VPS37A: variants seen among roughly 807,000 people sequenced by gnomAD.
VPS37A encodes VPS37A subunit of ESCRT-I, also known as vacuolar protein sorting-associated protein 37A.
VPS37A carries 30 observed loss-of-function variants against 49.8 expected under a neutral mutation model. The observed-to-expected ratio is 0.60, with a 90% CI of 0.45 to 0.82. The LOEUF (loss-of-function observed/expected upper bound fraction) is 0.82, where lower values mean the gene tolerates loss of function less well. Among genes scored for constraint, VPS37A ranks in the 40% least tolerant of loss-of-function variants. VPS37A has a pLI of 0.00. For synonymous variants in VPS37A, 195 were observed against 160.6 expected, an observed-to-expected ratio of 1.21 and a Z score of -1.62; for missense variants, 593 against 464.4, an observed-to-expected ratio of 1.28 and a Z score of -2.55.
the VPS37A span, among the ~76,000 whole-genome samples, chr8:17,314,325 G>T: frequency 6.6e-6 from 1 of 152,044 alleles, no homozygotes; most frequent in Non-Finnish European, 1.5e-5. Context: ...CACACATAGG[G>T]AAAAGGGAGC....
intron 1 of VPS37A, among the ~76,000 whole-genome samples, chr8:17,258,642 G>T (rs191873787): frequency 1.3e-5 from 2 of 151,914 alleles, no homozygotes; most frequent in Non-Finnish European, 2.9e-5. Flanking sequence ...CTTGTAGAAT[G>T]AGTTTGGAAG....
At chr8:17,314,814 T>G in the VPS37A span, among the ~76,000 whole-genome samples, 1 of 152,342 alleles carries the variant, frequency 6.6e-6, no homozygotes, top group South Asian at 2.1e-4. Context: ...ATGCAGTCGG[T>G]GAAGGGACAG....
intron 1 of VPS37A, among the ~76,000 whole-genome samples, chr8:17,250,846 T>G (rs1585908662): frequency 6.6e-6 from 1 of 152,326 alleles, no homozygotes; most frequent in South Asian, 2.1e-4. Flanking sequence ...ATAACTGTCA[T>G]AGATGACACT....
At chr8:17,250,097 T>A (rs1028195765) in intron 1 of VPS37A, among the ~76,000 whole-genome samples, 5 of 152,110 alleles carry the variant, frequency 3.3e-5, no homozygotes, top group African/African-American at 1.2e-4. Flanking sequence ...CCTTTCTAGA[T>A]TTTTTGTAGG....
At chr8:17,287,698 T>C (rs1161116063) in intron 11 of VPS37A, among the ~76,000 whole-genome samples, 1 of 152,074 alleles carries the variant, frequency 6.6e-6, no homozygotes, top group Non-Finnish European at 1.5e-5. Context: ...AAATTCTTTT[T>C]TCTTACTAGC....
chr8:17,302,372 T>C, downstream of VPS37A: 4 of 1,345,196 alleles, frequency 3.0e-6, no homozygotes, highest in South Asian at 6.5e-5. Flanking sequence ...GATACCACAG[T>C]CTTAATAATA....
intron 1 of VPS37A, among the ~76,000 whole-genome samples, chr8:17,256,290 A>ATTT (rs529736602): frequency 0.015 from 916 of 60,386 alleles, 151 homozygotes; most frequent in East Asian, 0.025. Context: ...GGGTAAAATG[A>ATTT]TTTTTTTTTT....
chr8:17,271,422 G>A (rs767541251), intron 4 of VPS37A, among the ~76,000 whole-genome samples: 13 of 152,094 alleles, frequency 8.5e-5, no homozygotes, highest in Admixed American at 3.3e-4. Flanking sequence ...TGGCTAACAC[G>A]GTGAAACCTC....
At chr8:17,308,312 A>C in the VPS37A span, among the ~76,000 whole-genome samples, 1 of 152,140 alleles carries the variant, frequency 6.6e-6, no homozygotes, top group African/African-American at 2.4e-5. Context: ...GTGTAATATT[A>C]ATAGAACCCC....
At chr8:17,319,972 T>C in the VPS37A span, among the ~76,000 whole-genome samples, 745 of 152,314 alleles carry the variant, frequency 4.9e-3, 2 homozygotes, top group Non-Finnish European at 5.5e-3. Flanking sequence ...AGGATTGAGA[T>C]AGATATGCTG....
chr8:17,324,235 A>G, the VPS37A span, among the ~76,000 whole-genome samples: 3 of 152,228 alleles, frequency 2.0e-5, no homozygotes, highest in Non-Finnish European at 4.4e-5. Context: ...CCTGGCATAT[A>G]GAACACTCTC....
At chr8:17,247,456 C>A in intron 1 of VPS37A, 87 bp downstream of exon 1, 2 of 1,487,988 alleles carry the variant, frequency 1.3e-6, no homozygotes, top group Admixed American at 2.1e-5. Context: ...CCTCAGTCTG[C>A]TCCCCACCAG....
rs1216288063 is a variant in VPS37A at position 17,247,275 on chromosome 8, G to A, written c.31G>A (p.Ala11Thr). ...CTGGCTTTTTCCCCTGACCAAGAGC[G>A]CCTCCTCCTCCGCGGCTGGGTCCCC... is the stretch of plus-strand genomic sequence containing the variant. The part of the protein sequence containing the change: MSWLFPLTKS[A>T]SSSAAGSPGG... Residue 11 changes from alanine to threonine, a missense_variant, in exon 1 of 12, where the codon GCC (alanine) becomes ACC (threonine). By Grantham distance (58) the Ala-to-Thr change is moderately conservative. Coordinates refer to ENST00000324849, the MANE Select transcript of VPS37A (RefSeq NM_152415.3). The A allele has an allele frequency of 7.0e-6, 11 of 1,568,734 alleles. No individual in the cohort carries two copies. The highest frequency in any genetic ancestry group is 1.7e-4 in the Middle Eastern group (1 of 5,954).
chr8:17,250,090 T>C (rs1173129271), intron 1 of VPS37A, among the ~76,000 whole-genome samples: 1 of 152,100 alleles, frequency 6.6e-6, no homozygotes, highest in East Asian at 1.9e-4. Flanking sequence ...AAAGTGACCT[T>C]TCTAGATTTT....
chr8:17,266,053 G>C, intron 2 of VPS37A, 72 bp downstream of exon 2: 2 of 1,353,330 alleles, frequency 1.5e-6, no homozygotes, highest in Non-Finnish European at 2.0e-6. Flanking sequence ...TTAGTTATTA[G>C]AAATAAACTT....
chr8:17,282,168 AG>A (rs1384400583), intron 9 of VPS37A, among the ~76,000 whole-genome samples: 1 of 152,120 alleles, frequency 6.6e-6, no homozygotes, highest in Non-Finnish European at 1.5e-5. Flanking sequence ...TATTTAAAAC[AG>A]TATAGTAGTT....
chr8:17,268,447 T>G, intron 3 of VPS37A, 75 bp downstream of exon 3: 4 of 1,138,320 alleles, frequency 3.5e-6, no homozygotes, highest in Non-Finnish European at 5.0e-6. Context: ...TTTAGAAATC[T>G]GAAATGCATT....
chr8:17,269,063 A>G (rs540443206), intron 4 of VPS37A, 107 bp downstream of exon 4: 10 of 746,140 alleles, frequency 1.3e-5, no homozygotes, highest in South Asian at 2.0e-5. Context: ...TCTGATTTCT[A>G]CATCCCCACA....
chr8:17,292,164 A>G (rs1274155318), intron 11 of VPS37A, among the ~76,000 whole-genome samples: 2 of 152,166 alleles, frequency 1.3e-5, no homozygotes, highest in African/African-American at 4.8e-5. Flanking sequence ...TATTGGGTGC[A>G]TATATATTTA....
Sources: allele counts gnomAD v4.1 joint callset (sites outside exome capture counted in the v4.1 genomes callset), GRCh38; gene constraint gnomAD v4.1.1; transcripts MANE v1.5; gene names NCBI Gene and HGNC (gene_info 2026-07-23, HGNC 2026-07-21).